The following PRKAR2A variants were observed in gnomAD, a reference collection of about 807,000 sequenced individuals.
PRKAR2A encodes protein kinase cAMP-dependent type II regulatory subunit alpha.
In PRKAR2A, 29 loss-of-function variants were observed where a neutral mutation model predicts 51.9. That is an observed-to-expected ratio of 0.56 (90% CI 0.42 to 0.76). PRKAR2A has a LOEUF of 0.76. PRKAR2A is among the 30% of genes least tolerant of loss of function. The pLI, the probability that PRKAR2A is intolerant of heterozygous loss-of-function variation, is 0.00. For missense variants in PRKAR2A, 445 were observed against 512.1 expected (o/e 0.87, Z 1.26); for synonymous variants, 178 against 186.2 (o/e 0.96, Z 0.36).
chr3:48,778,518 T>G (rs1256346184), intron 5 of PRKAR2A, among the ~76,000 whole-genome samples: 5 of 151,876 alleles, frequency 3.3e-5, no homozygotes, highest in Non-Finnish European at 7.4e-5. Flanking sequence ...TTGTGTGTTT[T>G]TGTTTTGTTT....
At chr3:48,807,750 T>C in intron 1 of PRKAR2A, 66 bp from the exon 2 acceptor site, 3 of 1,404,372 alleles carry the variant, frequency 2.1e-6, no homozygotes, top group Non-Finnish European at 3.0e-6. Context: ...ATCCTCCCTT[T>C]TTGCAAAAGT....
chr3:48,794,981 T>G (rs1370154219), intron 2 of PRKAR2A, among the ~76,000 whole-genome samples: 3 of 148,300 alleles, frequency 2.0e-5, no homozygotes, highest in Non-Finnish European at 4.5e-5. Context: ...TGAGGAAACT[T>G]TTTTTTTTTT....
At chr3:48,770,677 A>G (rs1490194510) in intron 6 of PRKAR2A, among the ~76,000 whole-genome samples, 4 of 152,180 alleles carry the variant, frequency 2.6e-5, no homozygotes. Flanking sequence ...ATGACTGCCA[A>G]AGGCAAGGAA....
rs778105179 is a variant in PRKAR2A, at chr3:48,782,944, C to T, written c.542+42G>A. ...AAGCATCTGCCCTGAGTCATGAATC[C>T]GATTAAGTGTGGCCACACAATTTCA... On this transcript the variant is annotated intron_variant, in intron 5 of 10. Transcript: ENST00000265563. The T allele has an allele frequency of 1.3e-5, 18 of 1,362,696 alleles. No homozygotes were observed. In the African/African-American group the frequency reaches 2.0e-4, roughly 15 times the overall value. 84.4% of individuals were successfully genotyped at this position (1,362,696 alleles called of 1,614,324 possible).
At chr3:48,756,693 C>T (rs1022421509) in intron 8 of PRKAR2A, among the ~76,000 whole-genome samples, 34 of 152,136 alleles carry the variant, frequency 2.2e-4, no homozygotes, top group African/African-American at 8.0e-4. Flanking sequence ...TGCAGATATA[C>T]GCGAAGCAGC....
At chr3:48,845,129 T>C (rs1164002396) in intron 1 of PRKAR2A, among the ~76,000 whole-genome samples, 1 of 152,162 alleles carries the variant, frequency 6.6e-6, no homozygotes, top group Non-Finnish European at 1.5e-5. Context: ...ATAAAGCTTT[T>C]AAAAACAAAT....
intron 4 of PRKAR2A, among the ~76,000 whole-genome samples, chr3:48,789,730 C>T (rs1478830371): frequency 6.6e-6 from 1 of 151,972 alleles, no homozygotes; most frequent in East Asian, 1.9e-4. Context: ...ACCTCGGCCT[C>T]CCAGAGTGCT....
At chr3:48,754,615 G>C (rs1575834438) in intron 9 of PRKAR2A, among the ~76,000 whole-genome samples, 1 of 151,764 alleles carries the variant, frequency 6.6e-6, no homozygotes, top group Non-Finnish European at 1.5e-5. Context: ...CCTACTAAAA[G>C]TACAAAAAAT....
At chr3:48,791,548 C>G (rs1403787102) in intron 3 of PRKAR2A, among the ~76,000 whole-genome samples, 1 of 127,244 alleles carries the variant, frequency 7.9e-6, no homozygotes, top group Non-Finnish European at 1.6e-5. Context: ...GAGCCAAGAT[C>G]GTACCACTGC....
chr3:48,835,811 A>C (rs953273466), intron 1 of PRKAR2A, among the ~76,000 whole-genome samples: 3 of 151,952 alleles, frequency 2.0e-5, no homozygotes, highest in African/African-American at 2.4e-5. Flanking sequence ...CTAGGGACCC[A>C]AAATAGCCAA....
chr3:48,821,489 G>T (rs1389111255), intron 1 of PRKAR2A, among the ~76,000 whole-genome samples: 1 of 152,060 alleles, frequency 6.6e-6, no homozygotes, highest in South Asian at 2.1e-4. Flanking sequence ...ATGAGTTCTT[G>T]AGAGATATGA....
intron 2 of PRKAR2A, among the ~76,000 whole-genome samples, chr3:48,803,908 G>A (rs1207311107): frequency 6.6e-6 from 1 of 152,128 alleles, no homozygotes; most frequent in Non-Finnish European, 1.5e-5. Flanking sequence ...AGGTTGCAGT[G>A]AGCCAAGATT....
rs559257591 is a variant in PRKAR2A at position 48,755,113 on chromosome 3, T to C, written c.939+1266A>G. Reference sequence around the variant, plus strand: ...CCGGGTTCACGCCATTCTCCTGCCTTAGCCTCCCGAGTAGCTGGGACTACA... The same window carrying C: ...CCGGGTTCACGCCATTCTCCTGCCTCAGCCTCCCGAGTAGCTGGGACTACA... On this transcript the variant is annotated intron_variant, in intron 9 of 10. Transcript: ENST00000265563. Among the ~76,000 whole-genome samples the C allele has an allele frequency of 1.2e-3, 184 of 151,018 alleles. 6 individuals carry two copies. The East Asian group carries it at 0.034, about 28-fold the overall frequency.
intron 1 of PRKAR2A, among the ~76,000 whole-genome samples, chr3:48,841,543 CAAAAAAA>C (rs397874491): frequency 5.0e-5 from 3 of 59,520 alleles, no homozygotes; most frequent in African/African-American, 6.7e-5. Flanking sequence ...GACTCTGTCT[CAAAAAAA>C]AAAAAAAAAA....
chr3:48,793,546 T>TA (rs1252269803), intron 3 of PRKAR2A, among the ~76,000 whole-genome samples: 6 of 152,176 alleles, frequency 3.9e-5, no homozygotes, highest in Non-Finnish European at 7.3e-5. Context: ...GTGCTGAGAT[T>TA]ACAGGTGTGA....
chr3:48,794,445 C>T (rs2082456254), intron 2 of PRKAR2A, among the ~76,000 whole-genome samples: 1 of 151,832 alleles, frequency 6.6e-6, no homozygotes, highest in Admixed American at 6.6e-5. Context: ...GCCTATAATC[C>T]CAGCACTCTG....
At chr3:48,820,941 G>T (rs1341001558) in intron 1 of PRKAR2A, among the ~76,000 whole-genome samples, 1 of 152,130 alleles carries the variant, frequency 6.6e-6, no homozygotes, top group Non-Finnish European at 1.5e-5. Context: ...AAATTCAATA[G>T]GTCCAGAATA....
chr3:48,838,264 G>A (rs1221319758), intron 1 of PRKAR2A, among the ~76,000 whole-genome samples: 2 of 152,090 alleles, frequency 1.3e-5, no homozygotes, highest in Non-Finnish European at 2.9e-5. Context: ...AAGTAGATTA[G>A]AGGATGCCTA....
intron 1 of PRKAR2A, among the ~76,000 whole-genome samples, chr3:48,824,719 G>A (rs1173321646): frequency 6.6e-6 from 1 of 152,046 alleles, no homozygotes; most frequent in African/African-American, 2.4e-5. Context: ...GGGCGAGGCG[G>A]GAGGATCACT....
Sources: allele counts gnomAD v4.1 joint callset (sites outside exome capture counted in the v4.1 genomes callset), GRCh38; gene constraint gnomAD v4.1.1; transcripts MANE v1.5; gene names NCBI Gene and HGNC (gene_info 2026-07-23, HGNC 2026-07-21).